The following IFIH1 variants were observed in gnomAD, a reference collection of about 807,000 sequenced individuals.
IFIH1 encodes the protein interferon induced with helicase C domain 1, also known as interferon-induced helicase C domain-containing protein 1.
In IFIH1, 125 loss-of-function variants were observed where a neutral mutation model predicts 107.4. The ratio of observed to expected loss-of-function variants is 1.16; its 90% CI spans 1.01 to 1.35. The LOEUF is 1.35. IFIH1 is among the 40% of genes most tolerant of loss of function. The pLI is 0.00. For synonymous variants in IFIH1, 458 were observed against 413.2 expected (o/e 1.11, Z -1.31); for missense variants, 1,333 against 1,213.7 (o/e 1.10, Z -1.46).
Position 162,272,462 on chromosome 2 carries a change from A to G in IFIH1, c.2455-75T>C. 4.7e-6 allele frequency: 6 copies of G among 1,269,084 alleles called. No individual in the cohort carries two copies. In the South Asian group the frequency reaches 7.9e-5, roughly 17 times the overall value. The allele number at this position is 1,269,084 out of a possible 1,614,324, so 78.6% of individuals were successfully genotyped here. A position where few individuals can be genotyped will look rare whatever the true frequency, so the allele number is the denominator to read the frequency against. ...ATCCTCCTGGTTTTTTCTGGGAATGATATTCTTGCTCAGAATGAAATGATA... is the reference window on the plus strand; with the variant it reads ...ATCCTCCTGGTTTTTTCTGGGAATGGTATTCTTGCTCAGAATGAAATGATA... On this transcript the variant is annotated intron_variant, in intron 12 of 15. Transcript: ENST00000649979.
chr2:162,309,588 G>A (rs530498008), intron 2 of IFIH1, among the ~76,000 whole-genome samples: 1 of 152,216 alleles, frequency 6.6e-6, no homozygotes, highest in African/African-American at 2.4e-5. Flanking sequence ...GTATTTGCTG[G>A]TATAATATAT....
At chr2:162,306,319 T>C (rs1446799019) in intron 3 of IFIH1, among the ~76,000 whole-genome samples, 1 of 152,170 alleles carries the variant, frequency 6.6e-6, no homozygotes, top group African/African-American at 2.4e-5. Flanking sequence ...CTCTGAGCCA[T>C]CCCAGTTTAA....
At chr2:162,300,997 C>T (rs1182857327) in intron 3 of IFIH1, among the ~76,000 whole-genome samples, 2 of 152,078 alleles carry the variant, frequency 1.3e-5, no homozygotes, top group Non-Finnish European at 2.9e-5. Flanking sequence ...AAAAAAAGTG[C>T]TATAACAGAT....
intron 6 of IFIH1, 78 bp downstream of exon 6, chr2:162,282,287 TA>T: frequency 1.1e-6 from 1 of 902,122 alleles, no homozygotes; most frequent in Non-Finnish European, 1.7e-6. Flanking sequence ...CACGAACATT[TA>T]AAAAATTAAC....
At chr2:162,278,148 C>T in intron 9 of IFIH1, 57 bp downstream of exon 9, 2 of 1,488,588 alleles carry the variant, frequency 1.3e-6, no homozygotes, top group Non-Finnish European at 1.8e-6. Context: ...ATATAGTCAT[C>T]TAAAATCTTG....
At chr2:162,294,174 C>G (rs1683045900) in intron 3 of IFIH1, among the ~76,000 whole-genome samples, 1 of 151,734 alleles carries the variant, frequency 6.6e-6, no homozygotes, top group Non-Finnish European at 1.5e-5. Context: ...AGAATTTGTT[C>G]AAAAAGAATA....
chr2:162,308,767 A>G (rs1254036141), intron 2 of IFIH1, among the ~76,000 whole-genome samples: 1 of 152,184 alleles, frequency 6.6e-6, no homozygotes, highest in Non-Finnish European at 1.5e-5. Context: ...GGAGGACAAA[A>G]TTCCATCTGT....
intron 12 of IFIH1, 123 bp from the exon 13 acceptor site, chr2:162,272,510 C>G: frequency 1.3e-6 from 1 of 764,242 alleles, no homozygotes; most frequent in South Asian, 1.8e-5. Flanking sequence ...GCATGCCAGT[C>G]TTCAAATGGG....
chr2:162,304,339 G>C (rs528189902), intron 3 of IFIH1, among the ~76,000 whole-genome samples: 1 of 152,238 alleles, frequency 6.6e-6, no homozygotes, highest in South Asian at 2.1e-4. Context: ...GCGCACGCCC[G>C]TGATGCCAGC....
At chr2:162,300,964 A>C (rs183927057) in intron 3 of IFIH1, among the ~76,000 whole-genome samples, 1 of 152,278 alleles carries the variant, frequency 6.6e-6, no homozygotes, top group Admixed American at 6.5e-5. Flanking sequence ...TTAGTCTATA[A>C]AAAGGCAAAA....
chr2:162,304,954 GT>G (rs571290043), intron 3 of IFIH1, among the ~76,000 whole-genome samples: 221 of 152,232 alleles, frequency 1.5e-3, no homozygotes, highest in Non-Finnish European at 2.6e-3. Context: ...TATATAATAT[GT>G]TTTTAAAAAG....
At position 162,267,341 on chromosome 2, in the gene IFIH1, C is replaced by A. The variant is rs372007025; in HGVS notation, c.2937G>T (p.Leu979Phe). ...GTMMVHKGLD[L>F]PCLKIRNFVV... Reference sequence around the variant, plus strand: ...CAAAATTCCTTATTTTGAGACAAGGCAAATCTAAGCCTTTGTGCACCATCA... The same window carrying A: ...CAAAATTCCTTATTTTGAGACAAGGAAAATCTAAGCCTTTGTGCACCATCA... Residue 979 changes from leucine to phenylalanine, a missense_variant, in exon 16 of 16, where the codon TTG (leucine) becomes TTT (phenylalanine). By Grantham distance (22) the Leu-to-Phe change is conservative. Coordinates refer to ENST00000649979, the MANE Select transcript of IFIH1 (RefSeq NM_022168.4). 1.2e-6 allele frequency: 2 copies of A among 1,613,108 alleles called. No individual in the cohort carries two copies. Among genetic ancestry groups the A allele is most frequent in the Non-Finnish European group, 1.7e-6 (2 of 1,179,796 alleles).
At position 162,272,359 on chromosome 2, in the gene IFIH1, C is replaced by G. The variant is rs372817657; in HGVS notation, c.2483G>C (p.Ser828Thr). 2.5e-6 allele frequency: 4 copies of G among 1,613,316 alleles called. No individual in the cohort carries two copies. In the South Asian group the frequency reaches 4.4e-5, roughly 18 times the overall value. The change falls in exon 13 of 16, where the codon AGC (serine) becomes ACC (threonine). Residue 828 changes from serine (S) to threonine (T), a missense_variant. By Grantham distance (58) the Ser-to-Thr change is moderately conservative. Coordinates refer to ENST00000649979, the MANE Select transcript of IFIH1 (RefSeq NM_022168.4). The stretch of plus-strand genomic sequence containing the variant: ...ACTGTGAGCAACCAGGACGTAGGTG[C>G]TCTCATCAGCTCTGGCTCGACCACG... ...QARGRARADESTYVLVAHSGS... is the reference protein window; with the variant it reads ...QARGRARADETTYVLVAHSGS...
intron 4 of IFIH1, among the ~76,000 whole-genome samples, chr2:162,289,808 A>G (rs927457969): frequency 6.6e-6 from 1 of 151,978 alleles, no homozygotes; most frequent in African/African-American, 2.4e-5. Context: ...TTCATTCAAT[A>G]TGATTTTTAT....
rs1683499376 is a variant in IFIH1 at position 162,316,972 on chromosome 2, A to C, written c.453+883T>G. On this transcript the variant is annotated intron_variant, in intron 1 of 15. Transcript: ENST00000649979. Reference sequence around the variant, plus strand: ...CATTCTTTCAATGAATTGTTTCTAAATTTTGATTCTCAAAGAATGTTGAAA... The same window carrying C: ...CATTCTTTCAATGAATTGTTTCTAACTTTTGATTCTCAAAGAATGTTGAAA... Among the ~76,000 whole-genome samples the C allele has an allele frequency of 2.0e-5, 3 of 152,190 alleles. No homozygotes were observed. The South Asian group carries it at 6.2e-4, about 32-fold the overall frequency.
At chr2:162,272,421 G>T (rs1321377251) in intron 12 of IFIH1, 34 bp from the exon 13 acceptor site, 11 of 1,585,650 alleles carry the variant, frequency 6.9e-6, no homozygotes, top group African/African-American at 2.7e-5. Flanking sequence ...AAATGAAAGG[G>T]TACGTTGTGA....
chr2:162,314,613 G>A (rs557900653), intron 1 of IFIH1, among the ~76,000 whole-genome samples: 9 of 151,522 alleles, frequency 5.9e-5, no homozygotes, highest in South Asian at 2.1e-4. Flanking sequence ...TCAGCCTCCC[G>A]AGTAACTGGG....
At chr2:162,314,412 TTTCTTTTCTTTC>T (rs1291144139) in intron 1 of IFIH1, among the ~76,000 whole-genome samples, 25 of 68,936 alleles carry the variant, frequency 3.6e-4, no homozygotes, top group African/African-American at 2.4e-3. Context: ...TCTTTCTTTC[TTTCTTTTCTTTC>T]TTTCTTTCTT....
chr2:162,283,580 A>G (rs1682846278), intron 5 of IFIH1, among the ~76,000 whole-genome samples: 1 of 152,036 alleles, frequency 6.6e-6, no homozygotes, highest in African/African-American at 2.4e-5. Context: ...CAAGCTTCAA[A>G]GAATGCCCAT....
Sources: gnomAD v4.1 joint callset for allele counts (sites outside exome capture counted in the v4.1 genomes callset) on GRCh38, gnomAD v4.1.1 for gene constraint, MANE v1.5 for transcripts, NCBI Gene and HGNC (gene_info 2026-07-23, HGNC 2026-07-21) for gene names.